GCGR: variants seen among roughly 807,000 people sequenced by gnomAD.
GCGR encodes glucagon receptor.
A neutral mutation model predicts 56.1 loss-of-function variants in GCGR; 41 were observed. The ratio of observed to expected loss-of-function variants is 0.73; its 90% confidence interval spans 0.57 to 0.95. GCGR has a LOEUF of 0.95. GCGR is among the 40% of genes least tolerant of loss of function. The pLI is 0.00. For missense variants in GCGR, 595 were observed against 638.2 expected (o/e 0.93, Z 0.73); for synonymous variants, 278 against 271.1 (o/e 1.03, Z -0.25).
At chr17:81,808,721 G>A in intron 1 of GCGR, 121 bp from the exon 2 acceptor site, 2 of 479,472 alleles carry the variant, frequency 4.2e-6, no homozygotes, top group South Asian at 2.4e-5. Context: ...GGGTTTCACT[G>A]TGTTAGCCAG....
In GCGR at chr17:81,810,010, C is replaced by T; in HGVS notation, c.163+126C>T. The T allele has an allele frequency of 5.3e-6, 4 of 751,384 alleles. No homozygotes were observed. Among genetic ancestry groups the T allele is most frequent in the Non-Finnish European group, 9.3e-6 (4 of 431,318 alleles). 46.5% of individuals were successfully genotyped at this position (751,384 alleles called of 1,614,324 possible). On this transcript the variant is annotated intron_variant, in intron 3 of 13. Coordinates refer to ENST00000400723, the MANE Select transcript of GCGR (RefSeq NM_000160.5). This position sits in a 1 kb window ranked among gnomAD's most constrained non-coding sequence, Gnocchi z 4.6. ...ACCCCGCCAAGGGGCCCTGTCATTC[C>T]TCAGGCCCCCACCACCGTGGGCAGG...
Position 81,812,428 on chromosome 17 carries a change from G to T in GCGR, c.949-149G>T. 1 of 1,040,766 alleles carries T rather than the reference G, an allele frequency of 9.6e-7. No homozygotes were observed. The highest frequency in any genetic ancestry group is 1.4e-6 in the Non-Finnish European group (1 of 720,436). The allele number at this position is 1,040,766 out of a possible 1,614,324, so 64.5% of individuals were successfully genotyped here. On this transcript the variant is annotated intron_variant, in intron 10 of 13. Transcript: ENST00000400723. This position sits in a 1 kb window ranked among gnomAD's most constrained non-coding sequence, Gnocchi z 8.5. The stretch of plus-strand genomic sequence containing the variant: ...CACTGAGCCAGGCTGTTCCTCCCTG[G>T]CTGTGTGCCCACCAGCCCCAGGGCT...
rs2038159556 is a variant in GCGR, at chr17:81,813,910, G to A, written c.*221G>A. On this transcript the variant is annotated 3_prime_UTR_variant, in exon 14 of 14. Coordinates refer to ENST00000400723, the MANE Select transcript of GCGR (RefSeq NM_000160.5). This position sits in a 1 kb window ranked among gnomAD's most constrained non-coding sequence, Gnocchi z 5.3. ...GAGCAGAGGAGTCCAGGGCGGGAGT[G>A]GGGGCTGTGCCGTGAACTGCGTGCC... The A allele has an allele frequency of 1.7e-6, 1 of 587,416 alleles. No individual in the cohort carries two copies. Among genetic ancestry groups the A allele is most frequent in the Non-Finnish European group, 3.0e-6 (1 of 330,088 alleles). The allele number at this position is 587,416 out of a possible 1,614,324, so 36.4% of individuals were successfully genotyped here. A position where few individuals can be genotyped will look rare whatever the true frequency, so the allele number is the denominator to read the frequency against.
chr17:81,810,206 C>T lies in GCGR; in HGVS notation c.163+322C>T. On this transcript the variant is annotated intron_variant, in intron 3 of 13. Coordinates refer to ENST00000400723, the MANE Select transcript of GCGR (RefSeq NM_000160.5). The surrounding 1 kb of genome is among the most constrained non-coding windows in gnomAD (Gnocchi z 4.6). ...GGAGTTTTCAGTGGGCAGACAGTGC[C>T]AGGGCGTGGAAGCTGGGACCCAGGG... 2 of 445,114 alleles carry T rather than the reference C, an allele frequency of 4.5e-6. No individual in the cohort carries two copies. The highest frequency in any genetic ancestry group is 6.9e-4 in the Middle Eastern group (1 of 1,458). The allele number at this position is 445,114 out of a possible 1,614,324, so 27.6% of individuals were successfully genotyped here.
At chr17:81,805,597 G>A (rs1193101922) in intron 1 of GCGR, among the ~76,000 whole-genome samples, 14 of 116,990 alleles carry the variant, frequency 1.2e-4, no homozygotes, top group Admixed American at 2.5e-4. Context: ...GGGAACCCCC[G>A]CATTGGGCAC....
intron 1 of GCGR, among the ~76,000 whole-genome samples, chr17:81,807,185 T>G (rs2037982329): frequency 6.6e-6 from 1 of 152,192 alleles, no homozygotes; most frequent in Non-Finnish European, 1.5e-5. Context: ...CGCCTGCCGC[T>G]GTCTCCGCCA....
In GCGR at chr17:81,812,047, G is replaced by C; in HGVS notation, c.878+101G>C. The C allele has an allele frequency of 6.6e-7, 1 of 1,511,408 alleles. No homozygotes were observed. The highest frequency in any genetic ancestry group is 2.5e-5 in the East Asian group (1 of 40,700). 93.6% of individuals were successfully genotyped at this position (1,511,408 alleles called of 1,614,324 possible). ...GGGCCGGGGATGAGCCTGGTGCCTG[G>C]GGAGGGGGTCATTTGTGACCTTCTC... On this transcript the variant is annotated intron_variant, in intron 9 of 13. Transcript: ENST00000400723. The surrounding 1 kb of genome is among the most constrained non-coding windows in gnomAD (Gnocchi z 8.5).
In GCGR at chr17:81,804,855, C is replaced by G. The variant is rs1568246203; in HGVS notation, c.-178+606C>G. The stretch of plus-strand genomic sequence containing the variant: ...CCCCGGCGCCCCACCACCCGGCCGA[C>G]TCGGCCACCGGGCTTATGCTCCGAC... On this transcript the variant is annotated intron_variant, in intron 1 of 13. Coordinates refer to ENST00000400723, the MANE Select transcript of GCGR (RefSeq NM_000160.5). This position sits in a 1 kb window ranked among gnomAD's most constrained non-coding sequence, Gnocchi z 8.2. Among the ~76,000 whole-genome samples the G allele has an allele frequency of 6.6e-6, 1 of 152,310 alleles. No homozygotes were observed. The highest frequency in any genetic ancestry group is 1.9e-4 in the East Asian group (1 of 5,174).
chr17:81,813,310 C>T lies in GCGR; in HGVS notation c.1219-164C>T, dbSNP rs1169433357. 2.0e-5 allele frequency among the ~76,000 whole-genome samples: 3 copies of T among 152,150 alleles called. No homozygotes were observed. Among genetic ancestry groups the T allele is most frequent in the Non-Finnish European group, 2.9e-5 (2 of 67,996 alleles). ...CCCCAGGTGTCTGCAGACTGCTTTC[C>T]GTGGCGATGCTGGGTGGCATAGCTG... On this transcript the variant is annotated intron_variant, in intron 13 of 13. Coordinates refer to ENST00000400723, the MANE Select transcript of GCGR (RefSeq NM_000160.5). The surrounding 1 kb of genome is among the most constrained non-coding windows in gnomAD (Gnocchi z 5.3).
chr17:81,812,264 A>T lies in GCGR; in HGVS notation c.948+12A>T. Reference sequence around the variant, plus strand: ...TCCTGGCCATCCTGGTGAGGAAATGAAGAGCCAGGAGCGCACCCCAGGCCC... The same window carrying T: ...TCCTGGCCATCCTGGTGAGGAAATGTAGAGCCAGGAGCGCACCCCAGGCCC... On this transcript the variant is annotated intron_variant, in intron 10 of 13. Coordinates refer to ENST00000400723, the MANE Select transcript of GCGR (RefSeq NM_000160.5). The surrounding 1 kb of genome is among the most constrained non-coding windows in gnomAD (Gnocchi z 8.5). 6.5e-7 allele frequency: 1 copy of T among 1,535,158 alleles called. No homozygotes were observed. Among genetic ancestry groups the T allele is most frequent in the Middle Eastern group, 2.0e-4 (1 of 5,090 alleles).
chr17:81,805,847 C>T (rs2037951904), intron 1 of GCGR, among the ~76,000 whole-genome samples: 1 of 152,130 alleles, frequency 6.6e-6, no homozygotes, highest in Non-Finnish European at 1.5e-5. Flanking sequence ...ATACGGAGCA[C>T]TGTGGCCCCG....
chr17:81,810,483 G>A lies in GCGR; in HGVS notation c.164-342G>A. On this transcript the variant is annotated intron_variant, in intron 3 of 13. Coordinates refer to ENST00000400723, the MANE Select transcript of GCGR (RefSeq NM_000160.5). This position sits in a 1 kb window ranked among gnomAD's most constrained non-coding sequence, Gnocchi z 4.6. ...TGGGGTTCAGCCCCCAGAGAGGGAG[G>A]TGCTGAGAGAAGGTCACGGAGAATG... is the stretch of plus-strand genomic sequence containing the variant. The A allele has an allele frequency of 2.3e-6, 1 of 429,748 alleles. No individual in the cohort carries two copies. The highest frequency in any genetic ancestry group is 3.7e-5 in the Admixed American group (1 of 27,130). 26.6% of individuals were successfully genotyped at this position (429,748 alleles called of 1,614,324 possible).
Position 81,810,345 on chromosome 17 carries a change from A to C in GCGR, c.163+461A>C, listed in dbSNP as rs1300743389. ...GGCAGTGCCTGGGTTCGGATGAGGGAGGCAGCCACCACTGGGCAGAGGGGG... is the reference window on the plus strand; with the variant it reads ...GGCAGTGCCTGGGTTCGGATGAGGGCGGCAGCCACCACTGGGCAGAGGGGG... On this transcript the variant is annotated intron_variant, in intron 3 of 13. Coordinates refer to ENST00000400723, the MANE Select transcript of GCGR (RefSeq NM_000160.5). This position sits in a 1 kb window ranked among gnomAD's most constrained non-coding sequence, Gnocchi z 4.6. 1 of 323,556 alleles carries C rather than the reference A, an allele frequency of 3.1e-6. No homozygotes were observed. Among genetic ancestry groups the C allele is most frequent in the African/African-American group, 2.1e-5 (1 of 46,828 alleles). 20.0% of individuals were successfully genotyped at this position (323,556 alleles called of 1,614,324 possible). A position where few individuals can be genotyped will look rare whatever the true frequency, so the allele number is the denominator to read the frequency against.
In GCGR at chr17:81,811,201, A is replaced by G. The variant is rs1298709670; in HGVS notation, c.394-21A>G. On this transcript the variant is annotated intron_variant, in intron 5 of 13. Transcript: ENST00000400723. This position sits in a 1 kb window ranked among gnomAD's most constrained non-coding sequence, Gnocchi z 5.8. ...GCATGGGGGCCCCTGCCTGGCCCTC[A>G]CAGGCCACTGTAACTCGCAGAAGGA... 3.3e-6 allele frequency: 5 copies of G among 1,536,110 alleles called. No individual in the cohort carries two copies. The highest frequency in any genetic ancestry group is 4.4e-6 in the Non-Finnish European group (5 of 1,146,782).
At chr17:81,809,646 C>CCTGTCTGCCTGT (rs750113633) in intron 2 of GCGR, 136 bp from the exon 3 acceptor site, 48 of 671,800 alleles carry the variant, frequency 7.1e-5, no homozygotes, top group Non-Finnish European at 1.0e-4. Context: ...TGTCTGTCTG[C>CCTGTCTGCCTGT]CTGTCTGCCT....
In GCGR at chr17:81,812,941, T is replaced by A; in HGVS notation, c.1172T>A (p.Phe391Tyr). 6.5e-7 allele frequency: 1 copy of A among 1,535,736 alleles called. No homozygotes were observed. Among genetic ancestry groups the A allele is most frequent in the Middle Eastern group, 1.7e-4 (1 of 5,984 alleles). Residue 391 changes from phenylalanine to tyrosine, a missense_variant, in exon 12 of 14, where the codon TTC becomes TAC. Phe to Tyr is a conservative substitution (Grantham distance 22). Coordinates refer to ENST00000400723, the MANE Select transcript of GCGR (RefSeq NM_000160.5). This position sits in a 1 kb window ranked among gnomAD's most constrained non-coding sequence, Gnocchi z 8.5. ...KLFFDLFLSS[F>Y]QGLLVAVLYC... is the part of the protein sequence containing the mutation. The stretch of plus-strand genomic sequence containing the variant: ...TTCTTCGACCTCTTCCTCAGCTCCT[T>A]CCAGGTGCCCGCCCGCCCGCCGGCT...
chr17:81,810,781 A>C lies in GCGR; in HGVS notation c.164-44A>C, dbSNP rs1489610499. 11 of 1,444,014 alleles carry C rather than the reference A, an allele frequency of 7.6e-6. No homozygotes were observed. The highest frequency in any genetic ancestry group is 2.0e-5 in the Admixed American group (1 of 50,748). 89.5% of individuals were successfully genotyped at this position (1,444,014 alleles called of 1,614,324 possible). ...GCCTGCTGAGGGAGCCCCTTCTCCC[A>C]CCCTGCCCTGCCCTGCTCTGCCCTG... On this transcript the variant is annotated intron_variant, in intron 3 of 13. Transcript: ENST00000400723. The surrounding 1 kb of genome is among the most constrained non-coding windows in gnomAD (Gnocchi z 4.6).
chr17:81,804,716 G>A lies in GCGR; in HGVS notation c.-178+467G>A, dbSNP rs2143079955. On this transcript the variant is annotated intron_variant, in intron 1 of 13. Transcript: ENST00000400723. The surrounding 1 kb of genome is among the most constrained non-coding windows in gnomAD (Gnocchi z 8.2). ...GAGGACTGCCCGGTGGCACCGGCGCGGCCCAGGATGGGGTGAGGGGTGTCT... is the reference window on the plus strand; with the variant it reads ...GAGGACTGCCCGGTGGCACCGGCGCAGCCCAGGATGGGGTGAGGGGTGTCT... Among the ~76,000 whole-genome samples, 1 of 152,242 alleles carries A rather than the reference G, an allele frequency of 6.6e-6. No homozygotes were observed. The highest frequency in any genetic ancestry group is 2.1e-4 in the South Asian group (1 of 4,830).
At chr17:81,809,139 G>A in intron 2 of GCGR, 61 bp downstream of exon 2, 1 of 1,504,046 alleles carries the variant, frequency 6.6e-7, no homozygotes, top group Non-Finnish European at 8.9e-7. Context: ...CACACTGATG[G>A]CTCTCTGTCT....
Sources: gnomAD v4.1 joint callset for allele counts (sites outside exome capture counted in the v4.1 genomes callset) on GRCh38, gnomAD v4.1.1 for gene constraint, Gnocchi (gnomAD v3.1) non-coding constraint, MANE v1.5 for transcripts, NCBI Gene and HGNC (gene_info 2026-07-23, HGNC 2026-07-21) for gene names.